TMEM8B: variants seen among roughly 807,000 people sequenced by gnomAD.
The protein encoded by TMEM8B is nasopharyngeal carcinoma expressed 6.
TMEM8B carries 29 observed loss-of-function variants against 49.3 expected under a neutral mutation model. The ratio of observed to expected loss-of-function variants is 0.59; its 90% CI spans 0.44 to 0.80. TMEM8B has a LOEUF of 0.80. TMEM8B is among the 30% of genes least tolerant of loss of function. The pLI, the probability that TMEM8B is intolerant of heterozygous loss-of-function variation, is 0.00. For missense variants in TMEM8B, 575 were observed against 658.5 expected, an observed-to-expected ratio of 0.87 and a Z score of 1.39; for synonymous variants, 264 against 272.8, an observed-to-expected ratio of 0.97 and a Z score of 0.32.
chr9:35,853,059 GT>G lies in TMEM8B; in HGVS notation c.2323-81del. The G allele has an allele frequency of 6.2e-7, 1 of 1,608,900 alleles. No homozygotes were observed. Among genetic ancestry groups the G allele is most frequent in the South Asian group, 1.1e-5 (1 of 90,882 alleles). On this transcript the variant is annotated intron_variant, in intron 11 of 12. Coordinates refer to ENST00000643932, the MANE Select transcript of TMEM8B (RefSeq NM_001042590.4). The surrounding 1 kb of genome is among the most constrained non-coding windows in gnomAD (Gnocchi z 4.2). ...GACCTCTCCCTGGGGGCATTTCCAA[GT>G]GCCTCTCATGATTCTGACCCAGGCC... is the stretch of plus-strand genomic sequence containing the variant.
chr9:35,830,309 C>CTAGTGTAGTGTGGGAATA (rs984549377), intron 1 of TMEM8B, among the ~76,000 whole-genome samples: 6 of 152,274 alleles, frequency 3.9e-5, no homozygotes, highest in African/African-American at 1.4e-4. Context: ...CCAGAAGCCC[C>CTAGTGTAGTGTGGGAATA]TAGTGTAGTG....
chr9:35,833,288 C>T (rs1402542177), intron 1 of TMEM8B: 14 of 985,160 alleles, frequency 1.4e-5, no homozygotes, highest in East Asian at 1.1e-4. Context: ...ATTCCAGCCC[C>T]GGGTCTGTCC....
rs1830939560 is a variant in TMEM8B, at chr9:35,841,077, G to T, written c.907-57G>T. On this transcript the variant is annotated intron_variant, in intron 3 of 12. Coordinates refer to ENST00000643932, the MANE Select transcript of TMEM8B (RefSeq NM_001042590.4). This position sits in a 1 kb window ranked among gnomAD's most constrained non-coding sequence, Gnocchi z 5.9. ...CCGCCCAGCAGGTTCTGTTTGCCTT[G>T]GTTTAGTCACACCCCTGCTGTCTCT... 3 of 414,320 alleles carry T rather than the reference G, an allele frequency of 7.2e-6. No individual in the cohort carries two copies. The highest frequency in any genetic ancestry group is 1.3e-5 in the Non-Finnish European group (3 of 226,336). 25.7% of individuals were successfully genotyped at this position (414,320 alleles called of 1,614,324 possible).
At chr9:35,844,875 TTC>T (rs1831368871) in intron 6 of TMEM8B, among the ~76,000 whole-genome samples, 1 of 152,238 alleles carries the variant, frequency 6.6e-6, no homozygotes, top group Non-Finnish European at 1.5e-5. Flanking sequence ...CCTCAGCCTG[TTC>T]TGTTTATTCT....
In TMEM8B at chr9:35,842,270, C is replaced by T. The variant is rs138181852; in HGVS notation, c.1310-122C>T. ...GATGCCCCACACTCCCAAGGGACAT[C>T]GCATTCTAGTTCTCATCCTTCCCCA... On this transcript the variant is annotated intron_variant, in intron 5 of 12. Coordinates refer to ENST00000643932, the MANE Select transcript of TMEM8B (RefSeq NM_001042590.4). The surrounding 1 kb of genome is among the most constrained non-coding windows in gnomAD (Gnocchi z 5.6). The T allele has an allele frequency of 2.7e-3, 1,955 of 723,220 alleles. 6 individuals are homozygous for T. The highest frequency in any genetic ancestry group is 3.6e-3 in the Non-Finnish European group (1,699 of 466,862). 44.8% of individuals were successfully genotyped at this position (723,220 alleles called of 1,614,324 possible). A position where few individuals can be genotyped will look rare whatever the true frequency, so the allele number is the denominator to read the frequency against.
At chr9:35,837,276 G>A (rs539268223) in intron 3 of TMEM8B, among the ~76,000 whole-genome samples, 3 of 152,050 alleles carry the variant, frequency 2.0e-5, no homozygotes, top group Non-Finnish European at 4.4e-5. Flanking sequence ...CCAGGCCTTG[G>A]GTTGTGTGCT....
chr9:35,853,803 C>G lies in TMEM8B; in HGVS notation c.2738C>G (p.Pro913Arg). 2.6e-6 allele frequency: 4 copies of G among 1,561,696 alleles called. No individual in the cohort carries two copies. Among genetic ancestry groups the G allele is most frequent in the Non-Finnish European group, 3.5e-6 (4 of 1,155,416 alleles). ...NEQEELGLVG[P>R]GGATVSSICA... ...CAGGAGGAGCTGGGCCTCGTGGGCC[C>G]AGGAGGGGCCACTGTCAGCAGCATC... The change falls in exon 13 of 13, where the codon CCA (proline) becomes CGA (arginine). Residue 913 changes from proline to arginine, a missense_variant. By Grantham distance (103) the Pro-to-Arg change is moderately radical. Coordinates refer to ENST00000643932, the MANE Select transcript of TMEM8B (RefSeq NM_001042590.4). This position sits in a 1 kb window ranked among gnomAD's most constrained non-coding sequence, Gnocchi z 4.2.
At chr9:35,849,785 A>G (rs978565076) in intron 10 of TMEM8B, among the ~76,000 whole-genome samples, 2 of 152,246 alleles carry the variant, frequency 1.3e-5, no homozygotes, top group African/African-American at 2.4e-5. Context: ...CGATCAAGAG[A>G]TCTGAAAATA....
chr9:35,836,868 G>A (rs909186419), intron 3 of TMEM8B, among the ~76,000 whole-genome samples: 2 of 152,186 alleles, frequency 1.3e-5, no homozygotes, highest in Admixed American at 6.5e-5. Context: ...GGGTCTGGAC[G>A]CCGTGAGAGA....
In TMEM8B at chr9:35,855,707, T is replaced by C. The variant is rs529567623; in HGVS notation, c.*1867T>C. 3 of 152,214 alleles carry C rather than the reference T, an allele frequency of 2.0e-5. No homozygotes were observed. The highest frequency in any genetic ancestry group is 2.9e-5 in the Non-Finnish European group (2 of 68,056). 9.4% of individuals were successfully genotyped at this position (152,214 alleles called of 1,614,324 possible). On this transcript the variant is annotated 3_prime_UTR_variant, in exon 13 of 13. Coordinates refer to ENST00000643932, the MANE Select transcript of TMEM8B (RefSeq NM_001042590.4). ...CCGCGCCTGGCCTCTCCTGAATCTT[T>C]TATCTATGCCTTAAGCCTTTTCTGT...
chr9:35,851,283 A>G (rs1405667467), intron 10 of TMEM8B, among the ~76,000 whole-genome samples: 1 of 142,978 alleles, frequency 7.0e-6, no homozygotes, highest in Non-Finnish European at 1.5e-5. Context: ...AGCTGGGACT[A>G]TAGGCACACG....
At chr9:35,831,476 G>C (rs1032948759) in intron 1 of TMEM8B, among the ~76,000 whole-genome samples, 1 of 152,222 alleles carries the variant, frequency 6.6e-6, no homozygotes, top group Admixed American at 6.5e-5. Flanking sequence ...TCCCCAGCCA[G>C]TGCCTTTGAA....
In TMEM8B at chr9:35,829,921, G is replaced by C. The variant is rs1031759764; in HGVS notation, c.474G>C (p.Leu158=). ...TTCAGCTGCCGCCAGCCCTATTGCT[G>C]CTGTTGCTGTTCTCTGTCCTTGGCC... ...SGFQLPPALL[L]LLLFSVLGPG... The change falls in exon 1 of 13, where the codon CTG becomes CTC. Residue 158 remains leucine, a synonymous_variant. Coordinates refer to ENST00000643932, the MANE Select transcript of TMEM8B (RefSeq NM_001042590.4). The C allele has an allele frequency of 1.4e-5, 6 of 416,038 alleles. No homozygotes were observed. The highest frequency in any genetic ancestry group is 1.2e-4 in the African/African-American group (6 of 48,728). 25.8% of individuals were successfully genotyped at this position (416,038 alleles called of 1,614,324 possible). A position where few individuals can be genotyped will look rare whatever the true frequency, so the allele number is the denominator to read the frequency against.
chr9:35,853,068 A>G lies in TMEM8B; in HGVS notation c.2323-73A>G. ...CTGGGGGCATTTCCAAGTGCCTCTCATGATTCTGACCCAGGCCCTGGAGTG... is the reference window on the plus strand; with the variant it reads ...CTGGGGGCATTTCCAAGTGCCTCTCGTGATTCTGACCCAGGCCCTGGAGTG... On this transcript the variant is annotated intron_variant, in intron 11 of 12. Coordinates refer to ENST00000643932, the MANE Select transcript of TMEM8B (RefSeq NM_001042590.4). The surrounding 1 kb of genome is among the most constrained non-coding windows in gnomAD (Gnocchi z 4.2). The G allele has an allele frequency of 1.9e-6, 3 of 1,608,762 alleles. No individual in the cohort carries two copies. The highest frequency in any genetic ancestry group is 2.2e-5 in the South Asian group (2 of 90,888).
Position 35,853,305 on chromosome 9 carries a change from T to A in TMEM8B, c.2439+48T>A, listed in dbSNP as rs551810045. The A allele has an allele frequency of 1.9e-5, 30 of 1,541,340 alleles. No individual in the cohort carries two copies. In the East Asian group the frequency reaches 6.7e-4, roughly 35 times the overall value. ...GGGGAGGGTCCCAGCAGGACTTGGG[T>A]GCTGGGCCCCAGGTATCTGGTCCCC... On this transcript the variant is annotated intron_variant, in intron 12 of 12. Transcript: ENST00000643932. The surrounding 1 kb of genome is among the most constrained non-coding windows in gnomAD (Gnocchi z 4.2).
At chr9:35,833,824 C>A (rs560420093) in intron 1 of TMEM8B, among the ~76,000 whole-genome samples, 1 of 152,258 alleles carries the variant, frequency 6.6e-6, no homozygotes, top group South Asian at 2.1e-4. Context: ...CCCTGGCAGC[C>A]GTACCACACT....
rs1829591471 is a variant in TMEM8B, at chr9:35,829,325, C to CGG, written c.-122_-121dup. The CGG allele has an allele frequency of 2.7e-6, 1 of 368,890 alleles. No individual in the cohort carries two copies. The highest frequency in any genetic ancestry group is 4.8e-6 in the Non-Finnish European group (1 of 206,902). The allele number at this position is 368,890 out of a possible 1,614,324, so 22.9% of individuals were successfully genotyped here. On this transcript the variant is annotated 5_prime_UTR_variant, in exon 1 of 13. Transcript: ENST00000643932. ...AGGCCTGAACTCCTACCCAGGTCCC[C>CGG]GGCCCCCGCCCCGGGCCCGCGAGGA...
At chr9:35,851,792 C>G (rs921421142) in intron 10 of TMEM8B, among the ~76,000 whole-genome samples, 1 of 152,176 alleles carries the variant, frequency 6.6e-6, no homozygotes, top group Non-Finnish European at 1.5e-5. Context: ...TTCTAAGATC[C>G]TAGCTTCTTC....
chr9:35,854,061 T>C lies in TMEM8B; in HGVS notation c.*221T>C. 7.9e-7 allele frequency: 1 copy of C among 1,271,454 alleles called. No homozygotes were observed. The highest frequency in any genetic ancestry group is 9.9e-7 in the Non-Finnish European group (1 of 1,011,056). The allele number at this position is 1,271,454 out of a possible 1,614,324, so 78.8% of individuals were successfully genotyped here. A position where few individuals can be genotyped will look rare whatever the true frequency, so the allele number is the denominator to read the frequency against. On this transcript the variant is annotated 3_prime_UTR_variant, in exon 13 of 13. Transcript: ENST00000643932. Reference sequence around the variant, plus strand: ...GCATCATGGAGTCCTTCTTAAGGACTGGAGCCTATGCAGGCACAGAGTCCC... The same window carrying C: ...GCATCATGGAGTCCTTCTTAAGGACCGGAGCCTATGCAGGCACAGAGTCCC...
Sources: gnomAD v4.1 joint callset for allele counts (sites outside exome capture counted in the v4.1 genomes callset) on GRCh38, gnomAD v4.1.1 for gene constraint, Gnocchi (gnomAD v3.1) non-coding constraint, MANE v1.5 for transcripts, NCBI Gene and HGNC (gene_info 2026-07-23, HGNC 2026-07-21) for gene names.